DPEP1: variants seen among roughly 807,000 people sequenced by gnomAD.
The protein encoded by DPEP1 is beta-lactamase.
DPEP1 carries 50 observed loss-of-function variants against 42.3 expected under a neutral mutation model. The observed-to-expected ratio is 1.18, with a 90% CI of 0.94 to 1.50. The LOEUF (loss-of-function observed/expected upper bound fraction) is 1.50. DPEP1 is among the 40% of genes most tolerant of loss of function. The pLI, the probability that DPEP1 is intolerant of heterozygous loss-of-function variation, is 0.00. For synonymous variants in DPEP1, 297 were observed against 234.0 expected (o/e 1.27, Z -2.46); for missense variants, 663 against 553.0 (o/e 1.20, Z -1.99).
At chr16:89,635,473 C>T (rs1228791975) in intron 2 of DPEP1, among the ~76,000 whole-genome samples, 1 of 152,198 alleles carries the variant, frequency 6.6e-6, no homozygotes, top group African/African-American at 2.4e-5. Context: ...ACCCAGCCAC[C>T]CACCATATTC....
At chr16:89,641,114 T>C (rs1388041033), downstream of DPEP1, among the ~76,000 whole-genome samples, 1 of 152,174 alleles carries the variant, frequency 6.6e-6, no homozygotes, top group Non-Finnish European at 1.5e-5. Flanking sequence ...GCTACTGCTG[T>C]CTAGAAGGCA....
chr16:89,640,498 C>CA (rs1249125769), downstream of DPEP1: 2 of 908,682 alleles, frequency 2.2e-6, no homozygotes, highest in Non-Finnish European at 2.6e-6. Context: ...CATGGAGCAG[C>CA]AGCCCCTGCA....
At chr16:89,627,899 C>G (rs550998542) in intron 1 of DPEP1, among the ~76,000 whole-genome samples, 2 of 151,490 alleles carry the variant, frequency 1.3e-5, no homozygotes, top group Non-Finnish European at 2.9e-5. Flanking sequence ...ACCTCGTGAT[C>G]CTCCTGCCTT....
intron 1 of DPEP1, among the ~76,000 whole-genome samples, chr16:89,618,342 A>C (rs1211231998): frequency 6.6e-6 from 1 of 152,072 alleles, no homozygotes; most frequent in Non-Finnish European, 1.5e-5. Flanking sequence ...TCGGTCTGCT[A>C]TGTAGCCAAG....
At chr16:89,627,925 ATTTTTG>A (rs1249208450) in intron 1 of DPEP1, among the ~76,000 whole-genome samples, 1 of 141,540 alleles carries the variant, frequency 7.1e-6, no homozygotes, top group Non-Finnish European at 1.5e-5. Context: ...CCCAAAGGGT[ATTTTTG>A]TTTGTTTTTG....
At chr16:89,614,896 T>G (rs1308125613) in intron 1 of DPEP1, among the ~76,000 whole-genome samples, 1 of 152,116 alleles carries the variant, frequency 6.6e-6, no homozygotes, top group African/African-American at 2.4e-5. Context: ...AGGCGGAAGT[T>G]GGAGTCTGGA....
At chr16:89,632,138 C>G (rs766580933) in intron 2 of DPEP1, among the ~76,000 whole-genome samples, 2 of 152,158 alleles carry the variant, frequency 1.3e-5, no homozygotes, top group Non-Finnish European at 2.9e-5. Context: ...CAACCTCTGC[C>G]TCCTGGATTT....
At chr16:89,616,082 AC>A (rs200501768) in intron 1 of DPEP1, among the ~76,000 whole-genome samples, 51 of 151,150 alleles carry the variant, frequency 3.4e-4, no homozygotes, top group African/African-American at 9.7e-4. Context: ...CAAAAAAAAA[AC>A]ACAAAAAGTG....
At position 89,638,215 on chromosome 16, in the gene DPEP1, T is replaced by A. The variant is rs1314500628; in HGVS notation, c.1229T>A (p.Leu410His). Residue 410 changes from leucine (L) to histidine (H), a missense_variant, in exon 11 of 11, where the codon CTC becomes CAC. By Grantham distance (99) the Leu-to-His change is moderately conservative. Transcript: ENST00000690203. ...SLAPLVLCLS[L>H]L ...GCTCCCCTGGTCCTCTGTCTGTCTCTCCTGTGAAACCTGGGAGACCAGAGT... is the reference window on the plus strand; with the variant it reads ...GCTCCCCTGGTCCTCTGTCTGTCTCACCTGTGAAACCTGGGAGACCAGAGT... 2 of 1,558,984 alleles carry A rather than the reference T, an allele frequency of 1.3e-6. No individual in the cohort carries two copies. The highest frequency in any genetic ancestry group is 2.4e-5 in the South Asian group (2 of 83,406).
chr16:89,616,756 A>C (rs2059382030), intron 1 of DPEP1: 1 of 275,094 alleles, frequency 3.6e-6, no homozygotes, highest in Non-Finnish European at 7.2e-6. Flanking sequence ...GCAGGCAGAG[A>C]GCGACCAGGA....
intron 1 of DPEP1, among the ~76,000 whole-genome samples, chr16:89,619,996 C>A (rs1341654739): frequency 6.8e-6 from 1 of 146,192 alleles, no homozygotes; most frequent in Non-Finnish European, 1.5e-5. Flanking sequence ...CTGGCCTCCC[C>A]CCGCCTGCTT....
intron 2 of DPEP1, among the ~76,000 whole-genome samples, chr16:89,631,593 C>T (rs995658198): frequency 6.6e-6 from 1 of 152,186 alleles, no homozygotes; most frequent in African/African-American, 2.4e-5. Flanking sequence ...GGGCAGTTCA[C>T]GCCTGTAATC....
intron 2 of DPEP1, among the ~76,000 whole-genome samples, chr16:89,632,338 C>G (rs2059599235): frequency 6.6e-6 from 1 of 152,206 alleles, no homozygotes; most frequent in Non-Finnish European, 1.5e-5. Flanking sequence ...CAGGCGTGAG[C>G]CACCGCGCCC....
chr16:89,632,313 A>T (rs1179545540), intron 2 of DPEP1, among the ~76,000 whole-genome samples: 1 of 152,070 alleles, frequency 6.6e-6, no homozygotes, highest in Non-Finnish European at 1.5e-5. Context: ...TCGGCCTCCC[A>T]CAGTGCTGGG....
Position 89,636,637 on chromosome 16 carries a change from C to T in DPEP1, c.475C>T (p.Leu159=). The change falls in exon 5 of 11, where the codon CTG becomes TTG. Residue 159 remains leucine (L), a synonymous_variant. Coordinates refer to ENST00000690203, the MANE Select transcript of DPEP1 (RefSeq NM_001389466.1). ...SLGVLRALYQ[L]GMRYLTLTHS... ...GGGCGTCCTGCGGGCACTCTATCAG[C>T]TGGGCATGCGGTACCTGACCCTCAC... 1 of 1,612,598 alleles carries T rather than the reference C, an allele frequency of 6.2e-7. No individual in the cohort carries two copies.
Position 89,637,388 on chromosome 16 carries a change from C to T in DPEP1, c.768+8C>T. ...GACGTCCTGAGGCTGGTGGTGAGGG[C>T]CGAGGGGGCGACCTCCACCCCGCCT... On this transcript the variant is annotated splice_region_variant and intron_variant, in intron 7 of 10. Coordinates refer to ENST00000690203, the MANE Select transcript of DPEP1 (RefSeq NM_001389466.1). 6.2e-7 allele frequency: 1 copy of T among 1,612,188 alleles called. No homozygotes were observed. The highest frequency in any genetic ancestry group is 8.5e-7 in the Non-Finnish European group (1 of 1,179,808).
chr16:89,634,091 CTTTTTT>C (rs3039849), intron 2 of DPEP1, among the ~76,000 whole-genome samples: 13 of 123,688 alleles, frequency 1.1e-4, no homozygotes, highest in Admixed American at 1.7e-4. Flanking sequence ...TTCTCTTCTT[CTTTTTT>C]TTTTTTTTTT....
chr16:89,619,795 GCAGCGCC>G, intron 1 of DPEP1, among the ~76,000 whole-genome samples: 1 of 1,396 alleles, frequency 7.2e-4, no homozygotes, highest in African/African-American at 6.6e-3. Flanking sequence ...CCCCCTCCCT[GCAGCGCC>G]CTGTGCCCCC....
chr16:89,638,340 G>A lies in DPEP1; in HGVS notation c.*118G>A. 2 of 1,433,156 alleles carry A rather than the reference G, an allele frequency of 1.4e-6. No homozygotes were observed. Among genetic ancestry groups the A allele is most frequent in the South Asian group, 3.0e-5 (2 of 66,492 alleles). The allele number at this position is 1,433,156 out of a possible 1,614,324, so 88.8% of individuals were successfully genotyped here. On this transcript the variant is annotated 3_prime_UTR_variant, in exon 11 of 11. Coordinates refer to ENST00000690203, the MANE Select transcript of DPEP1 (RefSeq NM_001389466.1). The stretch of plus-strand genomic sequence containing the variant: ...ACATGCAAGGACCAGCATCTCCTGA[G>A]AGGACGCCTGGGCTTACCTGGGGGG...
Sources: gnomAD v4.1 joint callset for allele counts (sites outside exome capture counted in the v4.1 genomes callset) on GRCh38, gnomAD v4.1.1 for gene constraint, MANE v1.5 for transcripts, NCBI Gene and HGNC (gene_info 2026-07-23, HGNC 2026-07-21) for gene names.